Variants in DTWD2 observed in about 807,000 individuals in gnomAD.
DTWD2 encodes tRNA-uridine aminocarboxypropyltransferase 2.
In DTWD2, 39 loss-of-function variants were observed where a neutral mutation model predicts 31.8. That is an observed-to-expected ratio of 1.22 (90% CI 0.95 to 1.60). The LOEUF is 1.60. Ranked by LOEUF, DTWD2 falls within the 40% of genes most tolerant of loss-of-function variation. DTWD2 has a pLI of 0.00. For synonymous variants in DTWD2, 180 were observed against 142.8 expected (o/e 1.26, Z -1.86); for missense variants, 515 against 381.5 (o/e 1.35, Z -2.92).
chr5:118,982,957 G>A lies in DTWD2; in HGVS notation c.218+5337C>T, dbSNP rs144957256. ...ATCCGCCTCAGCCTCCCAAAGTGCT[G>A]GGACTACAGGCATGAGCCACTGTGC... On this transcript the variant is annotated intron_variant, in intron 1 of 5. Coordinates refer to ENST00000510708, the MANE Select transcript of DTWD2 (RefSeq NM_173666.4). Among the ~76,000 whole-genome samples, 324 of 152,192 alleles carry A rather than the reference G, an allele frequency of 2.1e-3. 1 individual carries two copies. The highest frequency in any genetic ancestry group is 7.2e-3 in the African/African-American group (298 of 41,522).
Position 118,939,219 on chromosome 5 carries a change from G to A in DTWD2, c.381C>T (p.Ile127=), listed in dbSNP as rs891774819. Residue 127 remains isoleucine (I), a synonymous_variant, in exon 3 of 6, where the codon ATC becomes ATT. Transcript: ENST00000510708. ...CLPQDKCKVK[I]GRRFSEERDP... ...ACCTTTCTTCACTGAAGCGACGACCGATCTTCACTTTACACTTGTCCTGGG... is the reference window on the plus strand; with the variant it reads ...ACCTTTCTTCACTGAAGCGACGACCAATCTTCACTTTACACTTGTCCTGGG... The A allele has an allele frequency of 2.5e-6, 4 of 1,604,836 alleles. No homozygotes were observed. Among genetic ancestry groups the A allele is most frequent in the East Asian group, 4.5e-5 (2 of 44,320 alleles).
At chr5:118,854,732 G>A (rs1013203300) in intron 4 of DTWD2, among the ~76,000 whole-genome samples, 1 of 151,918 alleles carries the variant, frequency 6.6e-6, no homozygotes, top group African/African-American at 2.4e-5. Flanking sequence ...CAAGAAATAG[G>A]TATAAACTTG....
At chr5:118,867,928 T>G (rs1372394431) in intron 4 of DTWD2, among the ~76,000 whole-genome samples, 2 of 152,094 alleles carry the variant, frequency 1.3e-5, no homozygotes, top group Non-Finnish European at 1.5e-5. Context: ...AAAACAACCC[T>G]AAAATTCATA....
chr5:118,900,424 G>A (rs1359692165), intron 4 of DTWD2, among the ~76,000 whole-genome samples: 3 of 152,046 alleles, frequency 2.0e-5, no homozygotes, highest in African/African-American at 4.8e-5. Flanking sequence ...CAAAACTGCA[G>A]GCAAGTTAAC....
intron 1 of DTWD2, among the ~76,000 whole-genome samples, chr5:118,976,542 T>G (rs1755164465): frequency 6.6e-6 from 1 of 152,136 alleles, no homozygotes; most frequent in African/African-American, 2.4e-5. Flanking sequence ...CAAACTACCA[T>G]CAAAGAATAC....
chr5:118,837,195 AAAAG>A lies in DTWD2; in HGVS notation c.*3718_*3721del, dbSNP rs1424657549. 6 of 152,190 alleles carry A rather than the reference AAAAG, an allele frequency of 3.9e-5. No homozygotes were observed. The highest frequency in any genetic ancestry group is 1.4e-4 in the African/African-American group (6 of 41,462). The allele number at this position is 152,190 out of a possible 1,614,324, so 9.4% of individuals were successfully genotyped here. On this transcript the variant is annotated 3_prime_UTR_variant, in exon 6 of 6. Coordinates refer to ENST00000510708, the MANE Select transcript of DTWD2 (RefSeq NM_173666.4). ...GGAAGGAGGAAGAAAGTGTGAAGAG[AAAAG>A]AGAGAGAATATGCTTTAAGTTAATG...
intron 1 of DTWD2, among the ~76,000 whole-genome samples, chr5:118,947,217 C>A (rs916457535): frequency 2.6e-5 from 4 of 152,150 alleles, no homozygotes; most frequent in Non-Finnish European, 4.4e-5. Flanking sequence ...ACTCGTGACC[C>A]CTGAAGCCCC....
At chr5:118,853,079 G>A (rs1752048136) in intron 4 of DTWD2, among the ~76,000 whole-genome samples, 1 of 152,088 alleles carries the variant, frequency 6.6e-6, no homozygotes, top group South Asian at 2.1e-4. Flanking sequence ...GAGAGGAAGT[G>A]GGGCAAGTGC....
At chr5:118,912,942 A>C (rs59110720) in intron 4 of DTWD2, among the ~76,000 whole-genome samples, 3,292 of 152,290 alleles carry the variant, frequency 0.022, 105 homozygotes, top group African/African-American at 0.076. Context: ...GCTATCAACA[A>C]GATGCAATTT....
intron 1 of DTWD2, chr5:118,973,993 A>G: frequency 6.3e-7 from 1 of 1,592,028 alleles, no homozygotes; most frequent in Non-Finnish European, 8.6e-7. Context: ...AGGAGGAGGA[A>G]GAAGGTGATG....
At position 118,836,245 on chromosome 5, in the gene DTWD2, T is replaced by A. The variant is rs1000062637; in HGVS notation, c.*4672A>T. ...TCAAGTGAATCTTATTTTTATTTAT[T>A]TATTTATTTATTTGAGACACTGTCT... On this transcript the variant is annotated 3_prime_UTR_variant, in exon 6 of 6. Transcript: ENST00000510708. Among the ~76,000 whole-genome samples the A allele has an allele frequency of 6.6e-6, 1 of 152,160 alleles. No individual in the cohort carries two copies. Among genetic ancestry groups the A allele is most frequent in the African/African-American group, 2.4e-5 (1 of 41,418 alleles).
At chr5:118,954,956 T>G (rs190595238) in intron 1 of DTWD2, among the ~76,000 whole-genome samples, 16 of 152,292 alleles carry the variant, frequency 1.1e-4, no homozygotes, top group African/African-American at 3.9e-4. Flanking sequence ...CTCTGGTACT[T>G]AAGTAATTCA....
intron 1 of DTWD2, among the ~76,000 whole-genome samples, chr5:118,959,136 A>G (rs1182962303): frequency 6.6e-6 from 1 of 152,180 alleles, no homozygotes; most frequent in Admixed American, 6.5e-5. Context: ...AGACGTCCAA[A>G]TAGGAAGAGA....
intron 4 of DTWD2, among the ~76,000 whole-genome samples, chr5:118,886,511 G>A (rs1419209071): frequency 6.6e-6 from 1 of 152,206 alleles, no homozygotes; most frequent in Non-Finnish European, 1.5e-5. Context: ...ACAAATATAA[G>A]TTAATCTGAG....
At chr5:118,984,490 G>C (rs1198457379) in intron 1 of DTWD2, among the ~76,000 whole-genome samples, 2 of 149,842 alleles carry the variant, frequency 1.3e-5, no homozygotes, top group Admixed American at 1.3e-4. Context: ...CAATCTAAAA[G>C]TTTGTTACAA....
At chr5:118,887,638 A>T (rs1752895678) in intron 4 of DTWD2, among the ~76,000 whole-genome samples, 1 of 152,188 alleles carries the variant, frequency 6.6e-6, no homozygotes, top group East Asian at 1.9e-4. Context: ...GTTTTGTTTA[A>T]GACAGGGACT....
intron 1 of DTWD2, among the ~76,000 whole-genome samples, chr5:118,955,798 TAAA>T (rs70982460): frequency 7.2e-6 from 1 of 138,654 alleles, no homozygotes. Flanking sequence ...CCCTATCTCT[TAAA>T]AAAAAAAAAA....
chr5:118,947,921 T>C (rs1183343386), intron 1 of DTWD2, among the ~76,000 whole-genome samples: 1 of 152,222 alleles, frequency 6.6e-6, no homozygotes, highest in Non-Finnish European at 1.5e-5. Flanking sequence ...ATTGTGGTTT[T>C]GTATAGTTCT....
chr5:118,977,794 A>G (rs894260863), intron 1 of DTWD2, among the ~76,000 whole-genome samples: 18 of 152,222 alleles, frequency 1.2e-4, no homozygotes, highest in African/African-American at 3.9e-4. Context: ...TTCCAATTAA[A>G]CTACCATTAA....
Sources: allele counts gnomAD v4.1 joint callset (sites outside exome capture counted in the v4.1 genomes callset), GRCh38; gene constraint gnomAD v4.1.1; transcripts MANE v1.5; gene names NCBI Gene and HGNC (gene_info 2026-07-23, HGNC 2026-07-21).